ANO10: variants seen among roughly 807,000 people sequenced by gnomAD.
ANO10 encodes the protein anoctamin-10.
ANO10 carries 77 observed loss-of-function variants against 74.7 expected under a neutral mutation model. The ratio of observed to expected loss-of-function variants is 1.03; its 90% CI spans 0.86 to 1.25. The LOEUF (loss-of-function observed/expected upper bound fraction) is 1.25, where lower values mean the gene tolerates loss of function less well. Among genes scored for constraint, ANO10 ranks in the 50% most tolerant of loss-of-function variants. The probability of loss-of-function intolerance (pLI) is 0.00; values close to 1 mark genes in which losing one functional copy is unlikely to be tolerated. For synonymous variants in ANO10, 279 were observed against 284.9 expected (o/e 0.98, Z 0.21); for missense variants, 721 against 778.1 (o/e 0.93, Z 0.87).
intron 11 of ANO10, among the ~76,000 whole-genome samples, chr3:43,503,290 A>G (rs2077165440): frequency 6.6e-6 from 1 of 152,202 alleles, no homozygotes; most frequent in South Asian, 2.1e-4. Flanking sequence ...AAACACCTTT[A>G]AATACTCTCA....
At chr3:43,559,317 T>C (rs1017320586) in intron 9 of ANO10, among the ~76,000 whole-genome samples, 1 of 152,174 alleles carries the variant, frequency 6.6e-6, no homozygotes, top group Non-Finnish European at 1.5e-5. Flanking sequence ...GAGAAACCCA[T>C]CTTCAGAAGA....
At chr3:43,681,573 C>A (rs922463987) in intron 1 of ANO10, among the ~76,000 whole-genome samples, 1 of 152,120 alleles carries the variant, frequency 6.6e-6, no homozygotes, top group Non-Finnish European at 1.5e-5. Flanking sequence ...CTGCACCAAG[C>A]GAACCTAATA....
chr3:43,647,453 C>T (rs2083739738), intron 1 of ANO10, among the ~76,000 whole-genome samples: 1 of 151,956 alleles, frequency 6.6e-6, no homozygotes, highest in Non-Finnish European at 1.5e-5. Context: ...CCTCCTCCCA[C>T]AGTTTTATTC....
At chr3:43,401,074 G>A (rs2092472782) in intron 12 of ANO10, among the ~76,000 whole-genome samples, 1 of 152,154 alleles carries the variant, frequency 6.6e-6, no homozygotes, top group Admixed American at 6.5e-5. Flanking sequence ...CTTGGTAGTA[G>A]TACATTTTTA....
intron 4 of ANO10, among the ~76,000 whole-genome samples, chr3:43,597,306 T>C (rs1160768278): frequency 6.6e-6 from 1 of 152,216 alleles, no homozygotes; most frequent in Non-Finnish European, 1.5e-5. Context: ...TAAAGACACA[T>C]GCACACGTAT....
intron 10 of ANO10, among the ~76,000 whole-genome samples, chr3:43,550,445 T>C (rs539901720): frequency 4.5e-4 from 69 of 152,336 alleles, no homozygotes; most frequent in African/African-American, 1.6e-3. Flanking sequence ...TGGTGCATAC[T>C]GCCAAGGATG....
intron 1 of ANO10, among the ~76,000 whole-genome samples, chr3:43,613,330 C>T (rs2082921342): frequency 6.6e-6 from 1 of 152,156 alleles, no homozygotes; most frequent in South Asian, 2.1e-4. Flanking sequence ...AGTCAGAACA[C>T]TTAATGCATA....
At chr3:43,644,551 C>G (rs1255234753) in intron 1 of ANO10, among the ~76,000 whole-genome samples, 1 of 152,238 alleles carries the variant, frequency 6.6e-6, no homozygotes, top group Non-Finnish European at 1.5e-5. Context: ...GCCTACCTGG[C>G]CTGCTCTCCT....
chr3:43,680,111 G>T (rs1234259713), intron 1 of ANO10, among the ~76,000 whole-genome samples: 2 of 152,182 alleles, frequency 1.3e-5, no homozygotes, highest in Non-Finnish European at 2.9e-5. Flanking sequence ...GTTGAGAGAA[G>T]AAGACTTCAG....
chr3:43,447,555 G>C (rs1333039425), intron 11 of ANO10, among the ~76,000 whole-genome samples: 1 of 152,116 alleles, frequency 6.6e-6, no homozygotes, highest in East Asian at 1.9e-4. Context: ...AGAAGGTTGA[G>C]GGATTGGAGA....
intron 4 of ANO10, 82 bp downstream of exon 4, chr3:43,598,450 T>A (rs1171699503): frequency 7.2e-7 from 1 of 1,387,472 alleles, no homozygotes; most frequent in African/African-American, 1.4e-5. Context: ...TTGTGTAAGT[T>A]CTTCTGTAAG....
intron 11 of ANO10, among the ~76,000 whole-genome samples, chr3:43,498,540 G>A (rs1466368219): frequency 1.3e-5 from 2 of 152,130 alleles, no homozygotes; most frequent in Non-Finnish European, 1.5e-5. Flanking sequence ...GGGAAGAGTA[G>A]GGAATAAACA....
In ANO10 at chr3:43,448,084, C is replaced by A. The variant is rs186422163; in HGVS notation, c.1798-15357G>T. Among the ~76,000 whole-genome samples the A allele has an allele frequency of 3.3e-5, 5 of 152,260 alleles. No individual in the cohort carries two copies. The East Asian group carries it at 9.7e-4, about 29-fold the overall frequency. ...CCCAGATAAGAAATGGAAGACAGAC[C>A]TAGAGCTTCCTCTGTCTACCACATG... On this transcript the variant is annotated intron_variant, in intron 11 of 12. Coordinates refer to ENST00000292246, the MANE Select transcript of ANO10 (RefSeq NM_018075.5).
At chr3:43,516,354 G>A (rs1419476896) in intron 11 of ANO10, among the ~76,000 whole-genome samples, 1 of 152,174 alleles carries the variant, frequency 6.6e-6, no homozygotes, top group Non-Finnish European at 1.5e-5. Flanking sequence ...CCAGGCCAAA[G>A]AAAACTCCAG....
chr3:43,513,066 T>A (rs981444172), intron 11 of ANO10, among the ~76,000 whole-genome samples: 3 of 151,900 alleles, frequency 2.0e-5, no homozygotes, highest in African/African-American at 7.3e-5. Flanking sequence ...GCTCAGGAGG[T>A]CTGCAGGTGA....
At chr3:43,509,804 C>T (rs76093258) in intron 11 of ANO10, among the ~76,000 whole-genome samples, 3 of 152,250 alleles carry the variant, frequency 2.0e-5, no homozygotes, top group Admixed American at 2.0e-4. Flanking sequence ...ACCAGATGTC[C>T]TTCAGTGGGT....
intron 11 of ANO10, among the ~76,000 whole-genome samples, chr3:43,506,321 C>T (rs752410272): frequency 6.6e-6 from 1 of 152,132 alleles, no homozygotes; most frequent in Non-Finnish European, 1.5e-5. Flanking sequence ...CTATGCACAA[C>T]CCAACCACTT....
chr3:43,665,425 T>TG (rs1389435371), intron 1 of ANO10, among the ~76,000 whole-genome samples: 2 of 152,078 alleles, frequency 1.3e-5, no homozygotes, highest in Non-Finnish European at 2.9e-5. Context: ...CTAATGTAGG[T>TG]GACAGGTTGA....
chr3:43,550,262 C>T lies in ANO10; in HGVS notation c.1669-414G>A, dbSNP rs774656230. On this transcript the variant is annotated intron_variant, in intron 10 of 12. Transcript: ENST00000292246. ...ACCATCCTTCTACTTTGACATCACA[C>T]ACCACATCTGACTCAGCTATAACCA... Among the ~76,000 whole-genome samples the T allele has an allele frequency of 2.8e-4, 43 of 152,150 alleles. 1 individual carries two copies. The highest frequency in any genetic ancestry group is 1.3e-4 in the Non-Finnish European group (9 of 68,028).
Sources: allele counts gnomAD v4.1 joint callset (sites outside exome capture counted in the v4.1 genomes callset), GRCh38; gene constraint gnomAD v4.1.1; transcripts MANE v1.5; gene names NCBI Gene and HGNC (gene_info 2026-07-23, HGNC 2026-07-21).